SHB: variants seen among roughly 807,000 people sequenced by gnomAD.
SHB encodes SH2 domain-containing adapter protein B.
A neutral mutation model predicts 52.3 loss-of-function variants in SHB; 20 were observed. The observed-to-expected ratio is 0.38, with a 90% CI of 0.27 to 0.56. The LOEUF (loss-of-function observed/expected upper bound fraction) is 0.56. SHB is among the 20% of genes least tolerant of loss of function. The probability of loss-of-function intolerance (pLI) is 0.71; values close to 1 mark genes in which losing one functional copy is unlikely to be tolerated. For missense variants in SHB, 825 were observed against 723.3 expected (o/e 1.14, Z -1.61); for synonymous variants, 397 against 316.5 (o/e 1.25, Z -2.70).
In SHB at chr9:38,068,768, C is replaced by A; in HGVS notation, c.-123G>T. 4.1e-6 allele frequency: 1 copy of A among 244,282 alleles called. No homozygotes were observed. The highest frequency in any genetic ancestry group is 1.5e-4 in the South Asian group (1 of 6,454). The allele number at this position is 244,282 out of a possible 1,614,324, so 15.1% of individuals were successfully genotyped here. On this transcript the variant is annotated 5_prime_UTR_variant, in exon 1 of 6. Transcript: ENST00000377707. ...CCCGGCGGGGGGCGTCCGGGGCGCC[C>A]GCTCCCGACGCCAAGTTCAAGTTCT...
At chr9:38,058,698 C>T (rs1195963157) in intron 1 of SHB, among the ~76,000 whole-genome samples, 2 of 152,188 alleles carry the variant, frequency 1.3e-5, no homozygotes, top group African/African-American at 2.4e-5. Flanking sequence ...TCTCAGCCCT[C>T]AGCTGCCTTC....
intron 2 of SHB, 79 bp downstream of exon 2, chr9:38,015,932 G>A: frequency 6.8e-7 from 1 of 1,474,654 alleles, no homozygotes; most frequent in African/African-American, 1.4e-5. Flanking sequence ...GGCTGGTTGG[G>A]GACCACCCGG....
intron 2 of SHB, among the ~76,000 whole-genome samples, chr9:37,982,980 C>CCCG (rs1000567011): frequency 1.9e-4 from 29 of 150,124 alleles, no homozygotes; most frequent in Middle Eastern, 3.5e-3. Flanking sequence ...GGTGCCCCCC[C>CCCG]CTCCATCTTT....
chr9:38,059,239 A>ACCCAC (rs1821861628), intron 1 of SHB, among the ~76,000 whole-genome samples: 2 of 81,828 alleles, frequency 2.4e-5, no homozygotes, highest in Admixed American at 2.3e-4. Flanking sequence ...CGCTTCCCCC[A>ACCCAC]CCCACCCACC....
chr9:38,052,169 T>C (rs1821759384), intron 1 of SHB, among the ~76,000 whole-genome samples: 1 of 152,106 alleles, frequency 6.6e-6, no homozygotes, highest in Non-Finnish European at 1.5e-5. Flanking sequence ...CAAGGGCAGG[T>C]GACTAGCTCT....
intron 5 of SHB, among the ~76,000 whole-genome samples, chr9:37,947,894 T>C (rs1219238916): frequency 2.6e-5 from 4 of 152,246 alleles, no homozygotes; most frequent in East Asian, 1.9e-4. Context: ...GCTCTCTATA[T>C]GTCCTTGGCA....
intron 4 of SHB, among the ~76,000 whole-genome samples, chr9:37,954,184 C>A (rs188470407): frequency 6.6e-6 from 1 of 152,336 alleles, no homozygotes; most frequent in Non-Finnish European, 1.5e-5. Context: ...TGATTCACAG[C>A]ACCGGCTGGG....
chr9:37,992,581 G>A (rs753578105), intron 2 of SHB, among the ~76,000 whole-genome samples: 1 of 152,168 alleles, frequency 6.6e-6, no homozygotes, highest in Non-Finnish European at 1.5e-5. Flanking sequence ...TTCTGAGGAA[G>A]ACTCGGGGTG....
chr9:37,963,370 G>T (rs1021569301), intron 3 of SHB, among the ~76,000 whole-genome samples: 1 of 152,202 alleles, frequency 6.6e-6, no homozygotes, highest in African/African-American at 2.4e-5. Context: ...ACAAGGCACC[G>T]TGTGTAGACT....
At chr9:37,954,675 G>A (rs1450408597) in intron 4 of SHB, among the ~76,000 whole-genome samples, 3 of 152,208 alleles carry the variant, frequency 2.0e-5, no homozygotes, top group Non-Finnish European at 4.4e-5. Flanking sequence ...TCCTGCACCT[G>A]CTTTGTCAAG....
At chr9:38,000,840 T>C (rs1821003856) in intron 2 of SHB, among the ~76,000 whole-genome samples, 1 of 152,214 alleles carries the variant, frequency 6.6e-6, no homozygotes, top group Non-Finnish European at 1.5e-5. Flanking sequence ...TGCCAAAGCC[T>C]GGCTTTTAGT....
At chr9:38,048,953 A>C (rs748655122) in intron 1 of SHB, among the ~76,000 whole-genome samples, 2 of 152,156 alleles carry the variant, frequency 1.3e-5, no homozygotes, top group Non-Finnish European at 2.9e-5. Context: ...AGTCTACAAC[A>C]TTTTTAGGGC....
intron 5 of SHB, among the ~76,000 whole-genome samples, chr9:37,927,200 G>A (rs1418788218): frequency 6.6e-6 from 1 of 152,210 alleles, no homozygotes; most frequent in Non-Finnish European, 1.5e-5. Flanking sequence ...GGGGCATGGA[G>A]GCTCCTTCTA....
intron 5 of SHB, among the ~76,000 whole-genome samples, chr9:37,925,153 C>T (rs1304067537): frequency 6.6e-6 from 1 of 152,240 alleles, no homozygotes; most frequent in African/African-American, 2.4e-5. Context: ...TCCATCCACC[C>T]GCCCACCAGG....
chr9:38,066,182 A>C (rs1052639373), intron 1 of SHB, among the ~76,000 whole-genome samples: 7 of 152,214 alleles, frequency 4.6e-5, no homozygotes, highest in Non-Finnish European at 1.0e-4. Flanking sequence ...CTATAAAACA[A>C]ATCATTCCTT....
intron 2 of SHB, among the ~76,000 whole-genome samples, chr9:38,009,150 G>A (rs574051461): frequency 2.6e-5 from 4 of 152,330 alleles, no homozygotes; most frequent in Middle Eastern, 3.4e-3. Flanking sequence ...GCCGGTCTCC[G>A]GGAGAGTTCA....
intron 2 of SHB, among the ~76,000 whole-genome samples, chr9:37,986,256 A>G (rs944293849): frequency 6.6e-6 from 1 of 152,336 alleles, no homozygotes; most frequent in Admixed American, 6.5e-5. Context: ...TGAGGCCATC[A>G]GGACAAAGGG....
chr9:37,954,566 T>C (rs1218400693), intron 4 of SHB, among the ~76,000 whole-genome samples: 2 of 152,148 alleles, frequency 1.3e-5, no homozygotes, highest in East Asian at 3.9e-4. Flanking sequence ...TCTGCACCAC[T>C]CTGGGCCCTG....
intron 2 of SHB, among the ~76,000 whole-genome samples, chr9:37,981,430 TG>T (rs1259725362): frequency 6.6e-6 from 1 of 152,230 alleles, no homozygotes; most frequent in African/African-American, 2.4e-5. Flanking sequence ...GTTAGGGCCT[TG>T]CTCCAGATTA....
Sources: gnomAD v4.1 joint callset for allele counts (sites outside exome capture counted in the v4.1 genomes callset) on GRCh38, gnomAD v4.1.1 for gene constraint, MANE v1.5 for transcripts, NCBI Gene and HGNC (gene_info 2026-07-23, HGNC 2026-07-21) for gene names.